Variants in FBXO38 observed in about 807,000 individuals in gnomAD.
FBXO38 encodes F-box only protein 38.
A neutral mutation model predicts 131.9 loss-of-function variants in FBXO38; 53 were observed. The observed-to-expected ratio is 0.40, with a 90% CI of 0.32 to 0.51. FBXO38 has a LOEUF of 0.51. FBXO38 is among the 20% of genes least tolerant of loss of function. The probability of loss-of-function intolerance (pLI) is 0.53; values close to 1 mark genes in which losing one functional copy is unlikely to be tolerated. For missense variants in FBXO38, 1,076 were observed against 1,475.6 expected (o/e 0.73, Z 4.44); for synonymous variants, 452 against 505.6 (o/e 0.89, Z 1.42).
intron 18 of FBXO38, 29 bp from the exon 19 acceptor site, chr5:148,439,618 A>C: frequency 6.2e-7 from 1 of 1,604,508 alleles, no homozygotes; most frequent in Middle Eastern, 1.7e-4. Flanking sequence ...CTCTTTGTTG[A>C]AGACATCTCT....
chr5:148,422,730 A>G (rs1446880919), intron 12 of FBXO38, among the ~76,000 whole-genome samples: 2 of 152,210 alleles, frequency 1.3e-5, no homozygotes, highest in Admixed American at 1.3e-4. Flanking sequence ...GGCAACCTAA[A>G]AGCAGTTGAT....
In FBXO38 at chr5:148,424,123, CAT is replaced by C. The variant is rs777931331; in HGVS notation, c.1738+7_1738+8del. ...TGTTGATGAGGAACAAGCAGGTAAT[CAT>C]GTGATCCATCCCACATTCATCATTC... On this transcript the variant is annotated splice_region_variant and intron_variant, in intron 13 of 21. Coordinates refer to ENST00000340253, the MANE Select transcript of FBXO38 (RefSeq NM_205836.3). The C allele has an allele frequency of 1.9e-5, 30 of 1,609,704 alleles. No individual in the cohort carries two copies. The highest frequency in any genetic ancestry group is 2.4e-5 in the Non-Finnish European group (28 of 1,178,018).
chr5:148,388,655 C>T (rs1345250021), intron 1 of FBXO38, among the ~76,000 whole-genome samples: 1 of 152,162 alleles, frequency 6.6e-6, no homozygotes, highest in East Asian at 1.9e-4. Flanking sequence ...TCTAAAACTT[C>T]CTCACCTCTC....
intron 17 of FBXO38, among the ~76,000 whole-genome samples, chr5:148,437,056 TCTCTA>T (rs1262854367): frequency 6.6e-6 from 1 of 152,368 alleles, no homozygotes; most frequent in Admixed American, 6.5e-5. Flanking sequence ...TCCATTCCTT[TCTCTA>T]CTCTGAGCTC....
intron 1 of FBXO38, among the ~76,000 whole-genome samples, chr5:148,384,419 AAAGTG>A (rs1757802803): frequency 6.6e-6 from 1 of 152,146 alleles, no homozygotes; most frequent in South Asian, 2.1e-4. Context: ...TTCGGCCAGT[AAAGTG>A]AAGGAGGTCT....
At chr5:148,408,933 G>T (rs1490116454) in intron 7 of FBXO38, among the ~76,000 whole-genome samples, 191 bp from the exon 8 acceptor site, 1 of 152,110 alleles carries the variant, frequency 6.6e-6, no homozygotes. Flanking sequence ...ATGAGGGTCT[G>T]CTTTCATTTC....
chr5:148,396,086 G>A (rs1581228210), intron 2 of FBXO38, among the ~76,000 whole-genome samples: 1 of 152,110 alleles, frequency 6.6e-6, no homozygotes, highest in Middle Eastern at 3.4e-3. Flanking sequence ...ATATAAATGT[G>A]TATGTCATTA....
At chr5:148,389,924 G>T (rs10428634) in intron 1 of FBXO38, 1 of 152,200 alleles carries the variant, frequency 6.6e-6, no homozygotes, top group Non-Finnish European at 1.5e-5. Context: ...AGTTACTCGG[G>T]AGGCTGAGGT....
rs902315086 is a variant in FBXO38 at position 148,442,070 on chromosome 5, G to A, written c.3490G>A (p.Val1164Ile). ...ISEMRQMKKG[V>I]FQRVVAIFIH... Reference sequence around the variant, plus strand: ...AGAGATGCGTCAGATGAAGAAGGGTGTATTTCAGCGAGTAGTGGCAATTTT... The same window carrying A: ...AGAGATGCGTCAGATGAAGAAGGGTATATTTCAGCGAGTAGTGGCAATTTT... The change falls in exon 22 of 22, where the codon GTA becomes ATA. Residue 1164 changes from valine to isoleucine, a missense_variant. Transcript: ENST00000340253. The A allele has an allele frequency of 8.1e-6, 13 of 1,614,004 alleles. No homozygotes were observed. The African/African-American group carries it at 1.6e-4, about 20-fold the overall frequency.
intron 15 of FBXO38, among the ~76,000 whole-genome samples, chr5:148,432,626 C>T (rs1268381706): frequency 6.6e-6 from 1 of 152,166 alleles, no homozygotes; most frequent in Non-Finnish European, 1.5e-5. Flanking sequence ...ACAGTAAGCG[C>T]TCAGTAAATA....
intron 1 of FBXO38, among the ~76,000 whole-genome samples, chr5:148,387,104 G>C (rs1581212877): frequency 6.6e-6 from 1 of 151,890 alleles, no homozygotes; most frequent in South Asian, 2.1e-4. Flanking sequence ...GAAATATTTT[G>C]TTGTAACATG....
At chr5:148,441,558 T>C (rs1754685696) in intron 21 of FBXO38, 1 of 217,968 alleles carries the variant, frequency 4.6e-6, no homozygotes, top group African/African-American at 2.3e-5. Flanking sequence ...AATTGTATTA[T>C]TCTCCTGCTA....
At chr5:148,430,987 T>C (rs1754015759) in intron 15 of FBXO38, among the ~76,000 whole-genome samples, 1 of 152,226 alleles carries the variant, frequency 6.6e-6, no homozygotes, top group Non-Finnish European at 1.5e-5. Context: ...TCTGCCTTTC[T>C]CTGTTTCTGT....
chr5:148,405,331 T>C (rs1752385342), intron 6 of FBXO38, among the ~76,000 whole-genome samples: 1 of 152,156 alleles, frequency 6.6e-6, no homozygotes, highest in Non-Finnish European at 1.5e-5. Flanking sequence ...ATGCATAGGC[T>C]TTTTCTTCTT....
At chr5:148,401,867 T>C (rs1385367026) in intron 3 of FBXO38, 115 bp from the exon 4 acceptor site, 1 of 940,370 alleles carries the variant, frequency 1.1e-6, no homozygotes, top group African/African-American at 1.7e-5. Flanking sequence ...AGTGTTAGCT[T>C]TACGGAAATT....
intron 3 of FBXO38, among the ~76,000 whole-genome samples, chr5:148,401,389 T>A (rs1274456094): frequency 6.6e-6 from 1 of 152,110 alleles, no homozygotes; most frequent in Non-Finnish European, 1.5e-5. Flanking sequence ...CTTAGCTAAC[T>A]TGCATCTGTC....
chr5:148,439,627 CTT>C lies in FBXO38; in HGVS notation c.3025-18_3025-17del, dbSNP rs761503739. ...GGCATTCTCTTTGTTGAAGACATCT[CTT>C]TATGATGTCTTCCACAGGTGGACAC... On this transcript the variant is annotated intron_variant, in intron 18 of 21. Coordinates refer to ENST00000340253, the MANE Select transcript of FBXO38 (RefSeq NM_205836.3). The C allele has an allele frequency of 6.9e-6, 11 of 1,597,560 alleles. No homozygotes were observed. The African/African-American group carries it at 1.2e-4, about 17-fold the overall frequency.
rs1753817097 is a variant in FBXO38, at chr5:148,427,867, A to G, written c.2573A>G (p.Gln858Arg). Residue 858 changes from glutamine (Q) to arginine (R), a missense_variant, in exon 15 of 22, where the codon CAG (glutamine) becomes CGG (arginine). Gln to Arg is a conservative substitution (Grantham distance 43, BLOSUM62 1). Transcript: ENST00000340253. ...GSSQPESCDV[Q>R]SNEDYPRRPL... is the part of the protein sequence containing the mutation. Reference sequence around the variant, plus strand: ...TCCCAGCCTGAGAGTTGTGACGTGCAGTCTAATGAAGACTACCCTCGGAGG... The same window carrying G: ...TCCCAGCCTGAGAGTTGTGACGTGCGGTCTAATGAAGACTACCCTCGGAGG... The G allele has an allele frequency of 6.3e-7, 1 of 1,575,360 alleles. No individual in the cohort carries two copies. The highest frequency in any genetic ancestry group is 8.6e-7 in the Non-Finnish European group (1 of 1,163,088).
intron 1 of FBXO38, among the ~76,000 whole-genome samples, chr5:148,388,470 T>G (rs1287072899): frequency 2.0e-5 from 3 of 152,252 alleles, no homozygotes; most frequent in African/African-American, 7.2e-5. Flanking sequence ...CTGTACGTAC[T>G]GAAAATCTGT....
Sources: gnomAD v4.1 joint callset for allele counts (sites outside exome capture counted in the v4.1 genomes callset) on GRCh38, gnomAD v4.1.1 for gene constraint, MANE v1.5 for transcripts, NCBI Gene and HGNC (gene_info 2026-07-23, HGNC 2026-07-21) for gene names.